POLN: variants seen among roughly 807,000 people sequenced by gnomAD.
The protein encoded by POLN is DNA polymerase N.
Under a neutral mutation model 113.5 loss-of-function variants are expected in POLN, and 108 were observed. That is an observed-to-expected ratio of 0.95 (90% CI 0.81 to 1.12). POLN has a LOEUF of 1.12. Ranked by LOEUF, POLN falls within the 50% of genes most tolerant of loss-of-function variation. The pLI is 0.00. For missense variants in POLN, 1,097 were observed against 1,077.1 expected, an observed-to-expected ratio of 1.02 and a Z score of -0.26; for synonymous variants, 386 against 391.5, an observed-to-expected ratio of 0.99 and a Z score of 0.17.
At chr4:2,109,292 G>C (rs563577482) in intron 19 of POLN, among the ~76,000 whole-genome samples, 3 of 152,148 alleles carry the variant, frequency 2.0e-5, no homozygotes, top group Admixed American at 6.5e-5. Flanking sequence ...GCACCACACA[G>C]GGTCTAGGAA....
chr4:2,098,382 G>A (rs191258950), intron 19 of POLN, among the ~76,000 whole-genome samples: 85 of 152,314 alleles, frequency 5.6e-4, no homozygotes, highest in African/African-American at 2.0e-3. Flanking sequence ...GTGTGCCACT[G>A]CACTCCAGCC....
At chr4:2,083,326 C>A (rs1730473857) in intron 21 of POLN, among the ~76,000 whole-genome samples, 1 of 152,204 alleles carries the variant, frequency 6.6e-6, no homozygotes, top group African/African-American at 2.4e-5. Flanking sequence ...TGCGTGGCTC[C>A]CCCTCCACAC....
chr4:2,174,192 G>A (rs1577741215), intron 10 of POLN, among the ~76,000 whole-genome samples, 173 bp from the exon 11 acceptor site: 2 of 152,234 alleles, frequency 1.3e-5, no homozygotes, highest in East Asian at 3.8e-4. Context: ...TGTCATACAG[G>A]CAAATGGGCG....
intron 16 of POLN, among the ~76,000 whole-genome samples, chr4:2,133,426 C>T (rs925110150): frequency 7.9e-5 from 12 of 152,314 alleles, no homozygotes; most frequent in Non-Finnish European, 1.6e-4. Flanking sequence ...AAGTGCCCAT[C>T]AATGGGTGAA....
At chr4:2,170,171 G>C (rs1349332876) in intron 13 of POLN, among the ~76,000 whole-genome samples, 1 of 152,148 alleles carries the variant, frequency 6.6e-6, no homozygotes, top group Non-Finnish European at 1.5e-5. Flanking sequence ...CTTATTTACT[G>C]ACTTCCACTC....
At chr4:2,078,470 C>T (rs928432714) in intron 23 of POLN, 14 of 651,292 alleles carry the variant, frequency 2.1e-5, no homozygotes, top group Non-Finnish European at 2.7e-5. Context: ...GAATCTTCTT[C>T]TTCTTTTTTT....
In POLN at chr4:2,081,634, T is replaced by C. The variant is rs1315852856; in HGVS notation, c.2307A>G (p.Gln769=). The change falls in exon 22 of 26, where the codon CAA becomes CAG. Residue 769 remains glutamine (Q), a splice_region_variant and synonymous_variant. Transcript: ENST00000511885. ...CTACAGGTAAGAGGCTTCTGGTACCTTGCACCACGAAGTTCACTGCCTGTC... is the reference window on the plus strand; with the variant it reads ...CTACAGGTAAGAGGCTTCTGGTACCCTGCACCACGAAGTTCACTGCCTGTC... ...AERQAVNFVV[Q]GSAADLCKLA... is the part of the protein sequence containing the mutation. 2 of 1,614,006 alleles carry C rather than the reference T, an allele frequency of 1.2e-6. No individual in the cohort carries two copies. Among genetic ancestry groups the C allele is most frequent in the Non-Finnish European group, 1.7e-6 (2 of 1,179,938 alleles).
intron 2 of POLN, 28 bp from the exon 3 acceptor site, chr4:2,229,271 T>A: frequency 6.6e-7 from 1 of 1,513,286 alleles, no homozygotes; most frequent in South Asian, 1.2e-5. Flanking sequence ...ATAAGATAAA[T>A]CCCATATATT....
At chr4:2,222,919 C>T (rs1734296640) in intron 3 of POLN, among the ~76,000 whole-genome samples, 2 of 152,146 alleles carry the variant, frequency 1.3e-5, no homozygotes, top group African/African-American at 4.8e-5. Flanking sequence ...TCATCAGTGC[C>T]AGCTTACCTG....
intron 16 of POLN, among the ~76,000 whole-genome samples, chr4:2,134,062 C>A (rs770077301): frequency 2.0e-5 from 3 of 152,196 alleles, no homozygotes; most frequent in Non-Finnish European, 4.4e-5. Flanking sequence ...TTTACTGTGT[C>A]TACAGTTTTA....
intron 7 of POLN, among the ~76,000 whole-genome samples, chr4:2,192,437 T>C (rs6839783): frequency 4.3e-4 from 66 of 152,088 alleles, no homozygotes; most frequent in African/African-American, 1.6e-3. Context: ...CCTCCTGGGC[T>C]CAAGCAATTC....
intron 19 of POLN, among the ~76,000 whole-genome samples, chr4:2,108,277 C>T (rs1731116107): frequency 6.6e-6 from 1 of 152,198 alleles, no homozygotes; most frequent in African/African-American, 2.4e-5. Context: ...CAGCCGCTTG[C>T]TCTTGCTGGA....
At position 2,213,040 on chromosome 4, in the gene POLN, G is replaced by A. The variant is rs376851459; in HGVS notation, c.213+7C>T. 1.2e-4 allele frequency: 184 copies of A among 1,589,072 alleles called. No individual in the cohort carries two copies. The highest frequency in any genetic ancestry group is 1.5e-4 in the Non-Finnish European group (180 of 1,162,496). On this transcript the variant is annotated splice_region_variant and intron_variant, in intron 4 of 25. Transcript: ENST00000511885. Reference sequence around the variant, plus strand: ...ATTTAAAATTACTCATATGTGCAATGATTTACCTTTTTTTCTGGTGATTGA... The same window carrying A: ...ATTTAAAATTACTCATATGTGCAATAATTTACCTTTTTTTCTGGTGATTGA...
At chr4:2,170,601 T>C in intron 13 of POLN, 78 bp downstream of exon 13, 1 of 1,227,160 alleles carries the variant, frequency 8.1e-7, no homozygotes, top group South Asian at 1.4e-5. Flanking sequence ...GAGTCTCGGG[T>C]GGGTCTGAAG....
In POLN at chr4:2,237,663, C is replaced by T. The variant is rs1734814826; in HGVS notation, c.-13+3857G>A. ...ACTTATTTCCACATCTTAACTACTACACATCTTAACCTACCTATATTACAG... is the reference window on the plus strand; with the variant it reads ...ACTTATTTCCACATCTTAACTACTATACATCTTAACCTACCTATATTACAG... On this transcript the variant is annotated intron_variant, in intron 2 of 25. Coordinates refer to ENST00000511885, the MANE Select transcript of POLN (RefSeq NM_181808.4). Among the ~76,000 whole-genome samples the T allele has an allele frequency of 2.0e-5, 3 of 152,234 alleles. No individual in the cohort carries two copies. The South Asian group carries it at 6.2e-4, about 32-fold the overall frequency.
At chr4:2,158,273 T>C (rs1036795119) in intron 14 of POLN, among the ~76,000 whole-genome samples, 4 of 152,106 alleles carry the variant, frequency 2.6e-5, no homozygotes, top group Non-Finnish European at 5.9e-5. Context: ...ACAGGAATAG[T>C]GTGAATAGTG....
intron 16 of POLN, among the ~76,000 whole-genome samples, chr4:2,152,843 T>C (rs1236271890): frequency 6.6e-6 from 1 of 151,218 alleles, no homozygotes; most frequent in Non-Finnish European, 1.5e-5. Flanking sequence ...CCATAGAGAG[T>C]GGAGAAAGCT....
intron 3 of POLN, among the ~76,000 whole-genome samples, chr4:2,226,235 C>G (rs985105612): frequency 2.0e-5 from 3 of 152,168 alleles, no homozygotes; most frequent in Non-Finnish European, 4.4e-5. Flanking sequence ...AAATGGCACC[C>G]GCTGAGCTCA....
In POLN at chr4:2,241,624, G is replaced by A; in HGVS notation, c.-117C>T. ...GCGCGGCCACAATTAAGGGTGCTTCGGGCCGGCCTTCAGCCAGCGCTGAGG... is the reference window on the plus strand; with the variant it reads ...GCGCGGCCACAATTAAGGGTGCTTCAGGCCGGCCTTCAGCCAGCGCTGAGG... On this transcript the variant is annotated 5_prime_UTR_variant, in exon 2 of 26. Coordinates refer to ENST00000511885, the MANE Select transcript of POLN (RefSeq NM_181808.4). 5.1e-6 allele frequency: 5 copies of A among 985,432 alleles called. No individual in the cohort carries two copies. Among genetic ancestry groups the A allele is most frequent in the Non-Finnish European group, 6.0e-6 (5 of 829,940 alleles). The allele number at this position is 985,432 out of a possible 1,614,324, so 61.0% of individuals were successfully genotyped here.
Sources: gnomAD v4.1 joint callset for allele counts (sites outside exome capture counted in the v4.1 genomes callset) on GRCh38, gnomAD v4.1.1 for gene constraint, MANE v1.5 for transcripts, NCBI Gene and HGNC (gene_info 2026-07-23, HGNC 2026-07-21) for gene names.